The following PAG1 variants were observed in gnomAD, a reference collection of about 807,000 sequenced individuals.
PAG1 encodes the protein phosphoprotein associated with glycosphingolipid-enriched microdomains 1.
A neutral mutation model predicts 31.7 loss-of-function variants in PAG1; 23 were observed. The ratio of observed to expected loss-of-function variants is 0.73; its 90% CI spans 0.52 to 1.03. The LOEUF is 1.03. Among genes scored for constraint, PAG1 ranks in the 50% least tolerant of loss-of-function variants. The pLI, the probability that PAG1 is intolerant of heterozygous loss-of-function variation, is 0.00. For synonymous variants in PAG1, 214 were observed against 210.3 expected, an observed-to-expected ratio of 1.02 and a Z score of -0.15; for missense variants, 473 against 540.7, an observed-to-expected ratio of 0.87 and a Z score of 1.24.
chr8:81,047,948 GT>G (rs577528323), intron 2 of PAG1, among the ~76,000 whole-genome samples: 19 of 152,144 alleles, frequency 1.2e-4, no homozygotes, highest in Non-Finnish European at 1.8e-4. Flanking sequence ...AAAGAAAAAA[GT>G]AAACCTCTCC....
rs938444061 is a variant in PAG1 at position 80,976,189 on chromosome 8, G to A, written c.*355C>T. 5.3e-6 allele frequency: 1 copy of A among 189,786 alleles called. No homozygotes were observed. Among genetic ancestry groups the A allele is most frequent in the Non-Finnish European group, 1.1e-5 (1 of 93,576 alleles). The allele number at this position is 189,786 out of a possible 1,614,324, so 11.8% of individuals were successfully genotyped here. ...TTTCTGAATGGCAGTACTTTAGGCC[G>A]GGGGCATTGTGGTCCTTGGTGAGTG... On this transcript the variant is annotated 3_prime_UTR_variant, in exon 9 of 9. Transcript: ENST00000220597.
intron 1 of PAG1, among the ~76,000 whole-genome samples, chr8:81,081,118 C>T (rs11995047): frequency 0.068 from 10,366 of 151,890 alleles, 1,195 homozygotes; most frequent in African/African-American, 0.23. Context: ...TGACCTCACA[C>T]GGTGTTTAGG....
At chr8:81,082,945 T>C (rs1271787576) in intron 1 of PAG1, among the ~76,000 whole-genome samples, 1 of 151,680 alleles carries the variant, frequency 6.6e-6, no homozygotes, top group Non-Finnish European at 1.5e-5. Flanking sequence ...GAGATCTTCC[T>C]GGTTTTTGGT....
At chr8:81,064,209 G>GACCACTGCTTT (rs1808966716) in intron 2 of PAG1, among the ~76,000 whole-genome samples, 1 of 152,192 alleles carries the variant, frequency 6.6e-6, no homozygotes, top group African/African-American at 2.4e-5. Flanking sequence ...CAGGCAGGGG[G>GACCACTGCTTT]AGTGGGGATG....
chr8:81,004,811 C>A (rs1400379699), intron 3 of PAG1, among the ~76,000 whole-genome samples: 1 of 152,118 alleles, frequency 6.6e-6, no homozygotes, highest in Non-Finnish European at 1.5e-5. Context: ...GAGAACTGTC[C>A]CCAATGTGTC....
At chr8:81,027,084 C>T (rs548239321) in intron 3 of PAG1, among the ~76,000 whole-genome samples, 3 of 152,016 alleles carry the variant, frequency 2.0e-5, no homozygotes, top group African/African-American at 7.2e-5. Flanking sequence ...GATCTCAGCT[C>T]ACTGCAGCCT....
chr8:81,030,355 T>C (rs1047035176), intron 2 of PAG1, among the ~76,000 whole-genome samples: 1 of 152,248 alleles, frequency 6.6e-6, no homozygotes, highest in Non-Finnish European at 1.5e-5. Context: ...CGTAAGTGTC[T>C]AATCAAATAC....
chr8:81,063,822 G>C (rs1422992754), intron 2 of PAG1, among the ~76,000 whole-genome samples: 1 of 152,134 alleles, frequency 6.6e-6, no homozygotes, highest in Non-Finnish European at 1.5e-5. Flanking sequence ...ATGACAAGCA[G>C]ATCTCCTCGT....
chr8:80,973,635 C>T lies in PAG1; in HGVS notation c.*2909G>A, dbSNP rs534614647. On this transcript the variant is annotated 3_prime_UTR_variant, in exon 9 of 9. Coordinates refer to ENST00000220597, the MANE Select transcript of PAG1 (RefSeq NM_018440.4). ...ATGTCAAAATAGAATTTTAAATATA[C>T]AAATTGTTTTTGATAACTACCTTTC... is the stretch of plus-strand genomic sequence containing the variant. The T allele has an allele frequency of 6.6e-6, 1 of 152,248 alleles. No homozygotes were observed. Among genetic ancestry groups the T allele is most frequent in the Non-Finnish European group, 1.5e-5 (1 of 68,024 alleles). 9.4% of individuals were successfully genotyped at this position (152,248 alleles called of 1,614,324 possible). A position where few individuals can be genotyped will look rare whatever the true frequency, so the allele number is the denominator to read the frequency against.
At chr8:81,059,274 C>CTTTTTTTT (rs34306813) in intron 2 of PAG1, among the ~76,000 whole-genome samples, 1 of 146,732 alleles carries the variant, frequency 6.8e-6, no homozygotes. Context: ...GGCAAACATT[C>CTTTTTTTT]TTTTTTTTTT....
chr8:81,084,328 A>G (rs886770864), intron 1 of PAG1, among the ~76,000 whole-genome samples: 1 of 152,242 alleles, frequency 6.6e-6, no homozygotes, highest in South Asian at 2.1e-4. Flanking sequence ...AAGTAAGGAC[A>G]TTGCATTTGC....
intron 2 of PAG1, among the ~76,000 whole-genome samples, chr8:81,036,711 C>CTAAG (rs2130815082): frequency 6.6e-6 from 1 of 152,340 alleles, no homozygotes; most frequent in East Asian, 1.9e-4. Flanking sequence ...TCTCCCCCTG[C>CTAAG]TAAGCTCCCT....
At chr8:81,092,759 T>A (rs1809468400) in intron 1 of PAG1, among the ~76,000 whole-genome samples, 1 of 152,266 alleles carries the variant, frequency 6.6e-6, no homozygotes, top group African/African-American at 2.4e-5. Context: ...ACCTATGTCA[T>A]AAGGACATGG....
chr8:81,085,937 T>C (rs1173180759), intron 1 of PAG1, among the ~76,000 whole-genome samples: 2 of 150,594 alleles, frequency 1.3e-5, no homozygotes, highest in African/African-American at 4.9e-5. Context: ...CAATTCTAAT[T>C]CTTCTAGCAA....
intron 7 of PAG1, among the ~76,000 whole-genome samples, chr8:80,982,908 C>G (rs1344097701): frequency 6.6e-6 from 1 of 152,214 alleles, no homozygotes; most frequent in Non-Finnish European, 1.5e-5. Flanking sequence ...CATTTCTAAT[C>G]TGGTTTATTA....
At chr8:81,067,015 A>G (rs1809019756) in intron 2 of PAG1, among the ~76,000 whole-genome samples, 1 of 152,134 alleles carries the variant, frequency 6.6e-6, no homozygotes, top group African/African-American at 2.4e-5. Context: ...AAAAAAAAGT[A>G]GCCAGGCATG....
intron 2 of PAG1, among the ~76,000 whole-genome samples, chr8:81,054,714 A>G (rs1191976236): frequency 6.6e-6 from 1 of 152,140 alleles, no homozygotes; most frequent in African/African-American, 2.4e-5. Context: ...ATTCCTATCA[A>G]TCCTCAGAAT....
chr8:80,996,801 G>C (rs1357258177), intron 3 of PAG1, among the ~76,000 whole-genome samples: 2 of 152,216 alleles, frequency 1.3e-5, no homozygotes, highest in African/African-American at 4.8e-5. Flanking sequence ...TTTGAGTGAG[G>C]GGAAGGTGGA....
chr8:81,051,915 G>A (rs1005826931), intron 2 of PAG1, among the ~76,000 whole-genome samples: 2 of 152,062 alleles, frequency 1.3e-5, no homozygotes, highest in Non-Finnish European at 2.9e-5. Flanking sequence ...CGGATCACGA[G>A]GTCAGGAGAT....
Sources: gnomAD v4.1 joint callset for allele counts (sites outside exome capture counted in the v4.1 genomes callset) on GRCh38, gnomAD v4.1.1 for gene constraint, MANE v1.5 for transcripts, NCBI Gene and HGNC (gene_info 2026-07-23, HGNC 2026-07-21) for gene names.